Variants in CFAP97D2 observed in about 807,000 individuals in gnomAD.
CFAP97D2 encodes uncharacterized protein CFAP97D2.
intron 1 of CFAP97D2, among the ~76,000 whole-genome samples, chr13:114,182,051 A>G (rs972551146): frequency 2.0e-5 from 3 of 152,074 alleles, no homozygotes; most frequent in Non-Finnish European, 2.9e-5. Context: ...CATACCAAGG[A>G]CCTGCACCAG....
chr13:114,186,861 T>G lies in CFAP97D2; in HGVS notation c.90+7441T>G, dbSNP rs1052689174. On this transcript the variant is annotated intron_variant, in intron 1 of 4. Coordinates refer to ENST00000646158, the Ensembl canonical transcript of CFAP97D2. This position sits in a 1 kb window ranked among gnomAD's most constrained non-coding sequence, Gnocchi z 4.3. Reference sequence around the variant, plus strand: ...CACACCCCTCGCCACTCCACTCCAGTCTCTTCAGAGGGATGGGATCCAGGC... The same window carrying G: ...CACACCCCTCGCCACTCCACTCCAGGCTCTTCAGAGGGATGGGATCCAGGC... 6.6e-6 allele frequency among the ~76,000 whole-genome samples: 1 copy of G among 152,066 alleles called. No individual in the cohort carries two copies. The highest frequency in any genetic ancestry group is 1.5e-5 in the Non-Finnish European group (1 of 68,028).
intron 2 of CFAP97D2, among the ~76,000 whole-genome samples, chr13:114,197,856 C>T (rs12584094): frequency 0.012 from 1,732 of 145,846 alleles, 92 homozygotes; most frequent in Admixed American, 0.081. Context: ...TGCTAATTTT[C>T]GTGTTTTTAG....
At chr13:114,191,045 C>T (rs1226442179) in intron 1 of CFAP97D2, among the ~76,000 whole-genome samples, 1 of 152,182 alleles carries the variant, frequency 6.6e-6, no homozygotes, top group East Asian at 1.9e-4. Flanking sequence ...GGAATCCAGA[C>T]ACAGACCTTA....
At chr13:114,181,463 G>C (rs2080832204) in intron 1 of CFAP97D2, among the ~76,000 whole-genome samples, 1 of 152,104 alleles carries the variant, frequency 6.6e-6, no homozygotes, top group African/African-American at 2.4e-5. Flanking sequence ...AATGGGAGAA[G>C]AGCAAGATGG....
At chr13:114,218,672 A>G (rs972697027) in intron 4 of CFAP97D2, among the ~76,000 whole-genome samples, 1 of 152,230 alleles carries the variant, frequency 6.6e-6, no homozygotes, top group African/African-American at 2.4e-5. Flanking sequence ...CTGGTACCAA[A>G]ACAGAGATAT....
rs1413512932 is a variant in CFAP97D2, at chr13:114,187,684, G to T, written c.90+8264G>T. On this transcript the variant is annotated intron_variant, in intron 1 of 4. Coordinates refer to ENST00000646158, the Ensembl canonical transcript of CFAP97D2. This position sits in a 1 kb window ranked among gnomAD's most constrained non-coding sequence, Gnocchi z 4.2. ...CAACACCCCCTGTCAGAAATGTGCA[G>T]ATCCAACAAGCAGAAAATCAGTAAG... is the stretch of plus-strand genomic sequence containing the variant. Among the ~76,000 whole-genome samples, 3 of 152,126 alleles carry T rather than the reference G, an allele frequency of 2.0e-5. No homozygotes were observed. The highest frequency in any genetic ancestry group is 4.4e-5 in the Non-Finnish European group (3 of 68,034).
At chr13:114,219,389 T>C (rs1238090612) in intron 4 of CFAP97D2, among the ~76,000 whole-genome samples, 1 of 152,214 alleles carries the variant, frequency 6.6e-6, no homozygotes, top group African/African-American at 2.4e-5. Context: ...ATTAATACTA[T>C]TGAGTTTTTC....
intron 1 of CFAP97D2, among the ~76,000 whole-genome samples, chr13:114,181,316 C>A (rs995678934): frequency 1.3e-5 from 2 of 152,172 alleles, no homozygotes; most frequent in African/African-American, 2.4e-5. Flanking sequence ...CAGGGGCAGA[C>A]ACAGGTGGTG....
chr13:114,184,294 A>G (rs1220743801), intron 1 of CFAP97D2, among the ~76,000 whole-genome samples: 1 of 152,226 alleles, frequency 6.6e-6, no homozygotes, highest in African/African-American at 2.4e-5. Flanking sequence ...CAGGAGAAGA[A>G]AGGGAGAAAG....
At chr13:114,217,466 T>C (rs1393187821) in intron 4 of CFAP97D2, among the ~76,000 whole-genome samples, 6 of 152,212 alleles carry the variant, frequency 3.9e-5, no homozygotes, top group Admixed American at 3.9e-4. Context: ...GCTGATACCA[T>C]TCTTTCTGAA....
At chr13:114,202,282 G>T (rs891814891) in intron 3 of CFAP97D2, among the ~76,000 whole-genome samples, 3 of 152,192 alleles carry the variant, frequency 2.0e-5, no homozygotes, top group Non-Finnish European at 4.4e-5. Context: ...GAAATTCAGA[G>T]ATGAATACCT....
intron 1 of CFAP97D2, among the ~76,000 whole-genome samples, chr13:114,191,990 C>T (rs577166974): frequency 7.5e-6 from 1 of 133,240 alleles, no homozygotes; most frequent in Non-Finnish European, 1.5e-5. Flanking sequence ...AGACTGCATA[C>T]TATATTATTC....
chr13:114,207,625 A>T lies in CFAP97D2; in HGVS notation c.291-4287A>T, dbSNP rs952030180. On this transcript the variant is annotated intron_variant, in intron 3 of 4. Transcript: ENST00000646158. The surrounding 1 kb of genome is among the most constrained non-coding windows in gnomAD (Gnocchi z 4.9). Reference sequence around the variant, plus strand: ...AGCAATGGGGAGTGGCTGTGAATACAGATGAAGCTTCGCTCCCTCGCCTGC... The same window carrying T: ...AGCAATGGGGAGTGGCTGTGAATACTGATGAAGCTTCGCTCCCTCGCCTGC... Among the ~76,000 whole-genome samples, 10 of 152,238 alleles carry T rather than the reference A, an allele frequency of 6.6e-5. No homozygotes were observed. Among genetic ancestry groups the T allele is most frequent in the Non-Finnish European group, 1.5e-5 (1 of 68,046 alleles).
intron 4 of CFAP97D2, among the ~76,000 whole-genome samples, chr13:114,216,897 A>G (rs1449612652): frequency 6.6e-6 from 1 of 152,262 alleles, no homozygotes; most frequent in Non-Finnish European, 1.5e-5. Context: ...ACTAGTTTAC[A>G]GTCCCACCAA....
At chr13:114,205,533 G>A (rs773670494) in intron 3 of CFAP97D2, among the ~76,000 whole-genome samples, 1 of 152,106 alleles carries the variant, frequency 6.6e-6, no homozygotes, top group African/African-American at 2.4e-5. Context: ...TCCCAATTTG[G>A]ATGTCTTTTA....
At chr13:114,198,197 A>G (rs907621054) in intron 2 of CFAP97D2, among the ~76,000 whole-genome samples, 8 of 152,324 alleles carry the variant, frequency 5.3e-5, no homozygotes, top group African/African-American at 1.7e-4. Context: ...CATGTTGGCC[A>G]GGATGGTCTG....
At chr13:114,217,863 A>G (rs555044568) in intron 4 of CFAP97D2, among the ~76,000 whole-genome samples, 28 of 152,362 alleles carry the variant, frequency 1.8e-4, no homozygotes, top group Non-Finnish European at 2.9e-4. Flanking sequence ...TTCGGTATTG[A>G]TAGGACGTAT....
At position 114,203,693 on chromosome 13, in the gene CFAP97D2, A is replaced by G. The variant is rs2138773513; in HGVS notation, c.290+3250A>G. ...CACCTCACAAATGGAATCCCAGGCC[A>G]CCACACAGGAACTGAAGAGGCCAGG... On this transcript the variant is annotated intron_variant, in intron 3 of 4. Coordinates refer to ENST00000646158, the Ensembl canonical transcript of CFAP97D2. The surrounding 1 kb of genome is among the most constrained non-coding windows in gnomAD (Gnocchi z 4.3). Among the ~76,000 whole-genome samples the G allele has an allele frequency of 6.6e-6, 1 of 152,354 alleles. No homozygotes were observed. The highest frequency in any genetic ancestry group is 1.5e-5 in the Non-Finnish European group (1 of 68,034).
At chr13:114,198,242 G>T (rs1409681636) in intron 2 of CFAP97D2, among the ~76,000 whole-genome samples, 1 of 152,178 alleles carries the variant, frequency 6.6e-6, no homozygotes, top group African/African-American at 2.4e-5. Flanking sequence ...CTCATTTGGT[G>T]ATTGAGAATT....
Sources: allele counts gnomAD v4.1 joint callset (sites outside exome capture counted in the v4.1 genomes callset), GRCh38; gene constraint gnomAD v4.1.1; non-coding constraint Gnocchi (gnomAD v3.1); transcripts MANE v1.5; gene names NCBI Gene and HGNC (gene_info 2026-07-23, HGNC 2026-07-21).